Variants in GNAZ observed in about 807,000 individuals in gnomAD.
GNAZ encodes G protein subunit alpha z.
A neutral mutation model predicts 25.4 loss-of-function variants in GNAZ; 3 were observed. The observed-to-expected ratio is 0.12, with a 90% CI of 0.05 to 0.30. The LOEUF (loss-of-function observed/expected upper bound fraction) is 0.30. GNAZ is among the 10% of genes least tolerant of loss of function. The probability of loss-of-function intolerance (pLI) is 1.00; values close to 1 mark genes in which losing one functional copy is unlikely to be tolerated. For synonymous variants in GNAZ, 211 were observed against 205.7 expected, an observed-to-expected ratio of 1.03 and a Z score of -0.22; for missense variants, 241 against 501.8, an observed-to-expected ratio of 0.48 and a Z score of 4.97.
At position 23,082,216 on chromosome 22, in the gene GNAZ, TTTTG is replaced by T. The variant is rs1158089092; in HGVS notation, c.-450+11658_-450+11661del. Among the ~76,000 whole-genome samples, 9 of 151,892 alleles carry T rather than the reference TTTTG, an allele frequency of 5.9e-5. No homozygotes were observed. In the East Asian group the frequency reaches 1.4e-3, roughly 23 times the overall value. On this transcript the variant is annotated intron_variant, in intron 1 of 2. Coordinates refer to ENST00000615612, the MANE Select transcript of GNAZ (RefSeq NM_002073.4). ...GGTCTTTTTCGTTGTGTTTTTTTGT[TTTTG>T]TTTGTTTGTTTATTTGTTTTGAGTC...
chr22:23,120,906 T>A (rs943066197), intron 2 of GNAZ, among the ~76,000 whole-genome samples: 1 of 152,216 alleles, frequency 6.6e-6, no homozygotes, highest in African/African-American at 2.4e-5. Flanking sequence ...ATCTGTTATT[T>A]AACTGATGCA....
At chr22:23,098,991 C>T (rs1038850629) in intron 2 of GNAZ, among the ~76,000 whole-genome samples, 3 of 152,224 alleles carry the variant, frequency 2.0e-5, no homozygotes, top group Non-Finnish European at 2.9e-5. Context: ...AGGCCATGCT[C>T]GTTTTCACAA....
intron 1 of GNAZ, among the ~76,000 whole-genome samples, chr22:23,085,591 T>C (rs1458215931): frequency 2.0e-5 from 3 of 152,156 alleles, no homozygotes; most frequent in Admixed American, 6.5e-5. Context: ...TTTGCTGAGA[T>C]AAGAGATGGG....
At chr22:23,105,475 C>G (rs2069440106) in intron 2 of GNAZ, among the ~76,000 whole-genome samples, 1 of 152,254 alleles carries the variant, frequency 6.6e-6, no homozygotes, top group Admixed American at 6.5e-5. Flanking sequence ...GAGGGGTTCA[C>G]AAGCCCTTGA....
chr22:23,099,216 G>A (rs751926810), intron 2 of GNAZ, among the ~76,000 whole-genome samples: 7 of 152,244 alleles, frequency 4.6e-5, no homozygotes, highest in Admixed American at 3.3e-4. Flanking sequence ...CTGGGCTCCC[G>A]GGTGTGAGGG....
intron 2 of GNAZ, among the ~76,000 whole-genome samples, chr22:23,098,447 G>A (rs893161272): frequency 6.6e-6 from 1 of 152,150 alleles, no homozygotes; most frequent in Non-Finnish European, 1.5e-5. Flanking sequence ...CCTCTCCCAG[G>A]CCTGTCCCTG....
chr22:23,108,455 G>A (rs562376191), intron 2 of GNAZ, among the ~76,000 whole-genome samples: 2 of 152,234 alleles, frequency 1.3e-5, no homozygotes, highest in African/African-American at 2.4e-5. Context: ...CAAAGGCCTC[G>A]AGGTGACAGA....
intron 1 of GNAZ, among the ~76,000 whole-genome samples, chr22:23,081,521 A>T (rs1383229411): frequency 7.1e-6 from 1 of 139,870 alleles, no homozygotes; most frequent in African/African-American, 3.4e-5. Flanking sequence ...TAGGCCAATC[A>T]GGTTATAGGC....
At chr22:23,075,476 C>T (rs970162658) in intron 1 of GNAZ, among the ~76,000 whole-genome samples, 3 of 152,234 alleles carry the variant, frequency 2.0e-5, no homozygotes, top group African/African-American at 4.8e-5. Flanking sequence ...TACATGGCCA[C>T]AGCTTCACAC....
intron 1 of GNAZ, among the ~76,000 whole-genome samples, chr22:23,090,240 C>T (rs2068931659): frequency 6.6e-6 from 1 of 152,110 alleles, no homozygotes; most frequent in African/African-American, 2.4e-5. Flanking sequence ...TCTCCAAGAG[C>T]AGCCCCTGCT....
intron 2 of GNAZ, among the ~76,000 whole-genome samples, chr22:23,111,505 GC>G (rs1354010365): frequency 1.3e-5 from 2 of 152,244 alleles, no homozygotes; most frequent in African/African-American, 4.8e-5. Context: ...CAGTGGTGAT[GC>G]CAGAGAGGTG....
intron 2 of GNAZ, among the ~76,000 whole-genome samples, chr22:23,103,887 T>A (rs1569177766): frequency 6.6e-6 from 1 of 152,192 alleles, no homozygotes; most frequent in East Asian, 1.9e-4. Context: ...CCCCAGTGCC[T>A]ACAAATGCTG....
chr22:23,091,166 G>A (rs2068960936), intron 1 of GNAZ, among the ~76,000 whole-genome samples: 1 of 152,202 alleles, frequency 6.6e-6, no homozygotes, highest in Non-Finnish European at 1.5e-5. Flanking sequence ...ACCCAAAGAT[G>A]TGTACATGGA....
At chr22:23,072,055 T>A (rs1410439244) in intron 1 of GNAZ, among the ~76,000 whole-genome samples, 1 of 152,054 alleles carries the variant, frequency 6.6e-6, no homozygotes, top group East Asian at 1.9e-4. Context: ...CCCCATGAGC[T>A]GGGGTGGGCC....
intron 1 of GNAZ, among the ~76,000 whole-genome samples, chr22:23,086,605 T>A (rs2068827747): frequency 6.6e-6 from 1 of 152,134 alleles, no homozygotes; most frequent in South Asian, 2.1e-4. Flanking sequence ...GACCCCACCA[T>A]GCCCAGCTTC....
intron 2 of GNAZ, among the ~76,000 whole-genome samples, chr22:23,115,101 C>A (rs532769212): frequency 6.6e-6 from 1 of 152,306 alleles, no homozygotes; most frequent in South Asian, 2.1e-4. Context: ...GTGGCCACAG[C>A]AAACTGCATG....
intron 2 of GNAZ, among the ~76,000 whole-genome samples, chr22:23,098,670 G>A (rs1159907687): frequency 8.5e-5 from 13 of 152,386 alleles, no homozygotes; most frequent in Non-Finnish European, 1.6e-4. Flanking sequence ...CCCAAGCGAG[G>A]CTGGAAATTC....
At chr22:23,110,422 C>G (rs950473468) in intron 2 of GNAZ, among the ~76,000 whole-genome samples, 5 of 152,218 alleles carry the variant, frequency 3.3e-5, no homozygotes, top group Admixed American at 2.6e-4. Context: ...GGAGGCCCAC[C>G]CCACCCATGG....
At chr22:23,074,944 G>A (rs2146251682) in intron 1 of GNAZ, among the ~76,000 whole-genome samples, 1 of 152,284 alleles carries the variant, frequency 6.6e-6, no homozygotes, top group Admixed American at 6.5e-5. Flanking sequence ...GAGGTAGGAG[G>A]ATCACTTGAA....
Sources: allele counts gnomAD v4.1 joint callset (sites outside exome capture counted in the v4.1 genomes callset), GRCh38; gene constraint gnomAD v4.1.1; transcripts MANE v1.5; gene names NCBI Gene and HGNC (gene_info 2026-07-23, HGNC 2026-07-21).